RBFOX1: variants seen among roughly 807,000 people sequenced by gnomAD.
The protein encoded by RBFOX1 is RNA binding fox-1 homolog 1, also known as RNA binding protein fox-1 homolog 1.
A neutral mutation model predicts 57.7 loss-of-function variants in RBFOX1; 8 were observed. That is an observed-to-expected ratio of 0.14 (90% confidence interval 0.08 to 0.25). RBFOX1 has a LOEUF of 0.25. Among genes scored for constraint, RBFOX1 ranks in the 10% least tolerant of loss-of-function variants. The pLI is 1.00. For synonymous variants in RBFOX1, 326 were observed against 222.4 expected (o/e 1.47, Z -4.15); for missense variants, 611 against 548.5 (o/e 1.11, Z -1.14).
intron 3 of RBFOX1, among the ~76,000 whole-genome samples, chr16:6,980,032 A>G (rs1487005034): frequency 6.6e-6 from 1 of 151,110 alleles, no homozygotes; most frequent in Non-Finnish European, 1.5e-5. Context: ...TATAGTGTTA[A>G]CGGTGGGGCT....
intron 3 of RBFOX1, among the ~76,000 whole-genome samples, chr16:6,957,104 T>A (rs1183026250): frequency 8.0e-6 from 1 of 124,790 alleles, no homozygotes; most frequent in Non-Finnish European, 1.8e-5. Context: ...TATTTTATTT[T>A]TTTATTTTTA....
intron 2 of RBFOX1, among the ~76,000 whole-genome samples, chr16:6,446,483 A>G (rs1038837328): frequency 6.6e-6 from 1 of 152,190 alleles, no homozygotes; most frequent in Admixed American, 6.5e-5. Flanking sequence ...CATAGAAGGG[A>G]CCAGGAGTTT....
At chr16:7,069,295 C>G (rs1270463044) in intron 4 of RBFOX1, among the ~76,000 whole-genome samples, 1 of 152,286 alleles carries the variant, frequency 6.6e-6, no homozygotes, top group East Asian at 1.9e-4. Context: ...TGTCATCCCA[C>G]CATCTAGGTA....
intron 5 of RBFOX1, among the ~76,000 whole-genome samples, chr16:7,556,461 G>A (rs922049090): frequency 1.3e-5 from 2 of 152,196 alleles, no homozygotes; most frequent in African/African-American, 2.4e-5. Context: ...TATTTCCCAT[G>A]ATGGCCACAG....
At chr16:7,200,269 G>T (rs7187287) in intron 4 of RBFOX1, among the ~76,000 whole-genome samples, 2 of 151,982 alleles carry the variant, frequency 1.3e-5, no homozygotes, top group East Asian at 3.9e-4. Context: ...TTTAAAGCAG[G>T]TAGGTTTTCC....
chr16:7,353,810 G>T (rs1392652370), intron 4 of RBFOX1, among the ~76,000 whole-genome samples: 2 of 152,162 alleles, frequency 1.3e-5, no homozygotes, highest in South Asian at 4.1e-4. Context: ...AGGGGAGAGA[G>T]TATGGGAAGC....
At position 7,097,447 on chromosome 16, in the gene RBFOX1, G is replaced by T. The variant is rs1419761791; in HGVS notation, c.27+45349G>T. Among the ~76,000 whole-genome samples, 3 of 152,218 alleles carry T rather than the reference G, an allele frequency of 2.0e-5. No individual in the cohort carries two copies. In the East Asian group the frequency reaches 5.8e-4, roughly 29 times the overall value. On this transcript the variant is annotated intron_variant, in intron 4 of 15. Coordinates refer to ENST00000550418, the MANE Select transcript of RBFOX1 (RefSeq NM_018723.4). ...ACACCCTGGCATTAAAGCAGGGAAA[G>T]AGAGAAGAACCCTACAGAGGAGGAC...
intron 3 of RBFOX1, among the ~76,000 whole-genome samples, chr16:5,764,076 C>G (rs1325395981): frequency 6.6e-6 from 1 of 152,156 alleles, no homozygotes; most frequent in African/African-American, 2.4e-5. Context: ...CTAATAAATA[C>G]TTAACTAATG....
intron 3 of RBFOX1, among the ~76,000 whole-genome samples, chr16:5,827,912 TCCATCCACCCATCCAC>T (rs1194689092): frequency 2.4e-4 from 31 of 130,532 alleles, no homozygotes; most frequent in African/African-American, 8.6e-4. Flanking sequence ...CATCCATCCA[TCCATCCACCCATCCAC>T]CCACCCATCC....
intron 2 of RBFOX1, among the ~76,000 whole-genome samples, chr16:6,459,862 T>C (rs1484659877): frequency 1.3e-5 from 2 of 151,736 alleles, no homozygotes; most frequent in African/African-American, 2.4e-5. Flanking sequence ...CGAATGCCTG[T>C]AATCCCAGCT....
intron 3 of RBFOX1, among the ~76,000 whole-genome samples, chr16:6,680,402 A>G (rs1168801142): frequency 6.6e-6 from 1 of 150,874 alleles, no homozygotes; most frequent in African/African-American, 2.4e-5. Flanking sequence ...AGCTGGGACT[A>G]CAGGCACCTG....
chr16:7,519,727 C>T (rs756453331), intron 5 of RBFOX1: 1 of 984,790 alleles, frequency 1.0e-6, no homozygotes, highest in Non-Finnish European at 1.2e-6. Flanking sequence ...GCAATTCTGC[C>T]TCTTCGTCCT....
intron 1 of RBFOX1, among the ~76,000 whole-genome samples, chr16:5,381,939 C>T (rs768617741): frequency 2.0e-5 from 3 of 152,176 alleles, no homozygotes; most frequent in Non-Finnish European, 2.9e-5. Context: ...TGGTGTCTGT[C>T]ATGTGCTTGT....
chr16:6,924,462 C>G (rs998301620), intron 3 of RBFOX1, among the ~76,000 whole-genome samples: 2 of 151,972 alleles, frequency 1.3e-5, no homozygotes, highest in Non-Finnish European at 2.9e-5. Context: ...ATGGCAGGCA[C>G]CAAGCCATTC....
At chr16:6,977,198 A>G (rs2087238828) in intron 3 of RBFOX1, among the ~76,000 whole-genome samples, 2 of 142,958 alleles carry the variant, frequency 1.4e-5, no homozygotes, top group South Asian at 2.2e-4. Flanking sequence ...TCACATATAT[A>G]TGTTTTATCA....
chr16:5,553,743 G>T (rs557070841), intron 2 of RBFOX1, among the ~76,000 whole-genome samples: 2 of 133,408 alleles, frequency 1.5e-5, no homozygotes, highest in Non-Finnish European at 3.3e-5. Context: ...ATATATATGT[G>T]TGTATTTATG....
intron 2 of RBFOX1, among the ~76,000 whole-genome samples, chr16:5,570,341 G>A (rs777455222): frequency 3.3e-5 from 5 of 152,138 alleles, no homozygotes; most frequent in African/African-American, 4.8e-5. Context: ...TGGGCCAAAT[G>A]ATCAATAACC....
At chr16:5,337,295 A>G (rs963208121) in intron 1 of RBFOX1, among the ~76,000 whole-genome samples, 2 of 152,166 alleles carry the variant, frequency 1.3e-5, no homozygotes, top group African/African-American at 4.8e-5. Context: ...TGATTTTGTA[A>G]AAGTGTACAG....
chr16:7,132,314 C>G (rs187034270), intron 4 of RBFOX1, among the ~76,000 whole-genome samples: 42 of 151,982 alleles, frequency 2.8e-4, no homozygotes, highest in African/African-American at 1.0e-3. Context: ...TGTTCTTTAT[C>G]TGTATATATT....
Sources: allele counts gnomAD v4.1 joint callset (sites outside exome capture counted in the v4.1 genomes callset), GRCh38; gene constraint gnomAD v4.1.1; transcripts MANE v1.5; gene names NCBI Gene and HGNC (gene_info 2026-07-23, HGNC 2026-07-21).